Variants in EPB41L3 observed in about 807,000 individuals in gnomAD.
EPB41L3 encodes the protein erythrocyte membrane protein band 4.1 like 3.
EPB41L3 carries 57 observed loss-of-function variants against 127.1 expected under a neutral mutation model. The ratio of observed to expected loss-of-function variants is 0.45; its 90% CI spans 0.36 to 0.56. The LOEUF is 0.56. EPB41L3 is among the 20% of genes least tolerant of loss of function. The probability of loss-of-function intolerance (pLI) is 0.00; values close to 1 mark genes in which losing one functional copy is unlikely to be tolerated. For missense variants in EPB41L3, 1,273 were observed against 1,372.2 expected, an observed-to-expected ratio of 0.93 and a Z score of 1.14; for synonymous variants, 572 against 549.5, an observed-to-expected ratio of 1.04 and a Z score of -0.57.
intron 13 of EPB41L3, among the ~76,000 whole-genome samples, chr18:5,415,007 T>TG (rs1568052764): frequency 6.6e-6 from 1 of 152,032 alleles, no homozygotes. Context: ...ACTGTGAAAA[T>TG]GGGGGGATTT....
At chr18:5,470,589 G>T (rs2147545960) in intron 3 of EPB41L3, among the ~76,000 whole-genome samples, 1 of 152,330 alleles carries the variant, frequency 6.6e-6, no homozygotes, top group African/African-American at 2.4e-5. Context: ...AAGACCAAAT[G>T]AGGCAAAGGC....
At chr18:5,538,193 A>C (rs2093625617) in intron 1 of EPB41L3, among the ~76,000 whole-genome samples, 1 of 152,232 alleles carries the variant, frequency 6.6e-6, no homozygotes, top group Non-Finnish European at 1.5e-5. Context: ...AAATTCTTAC[A>C]TATTCAGAAT....
chr18:5,434,103 C>G lies in EPB41L3; in HGVS notation c.624G>C (p.Gln208His). The G allele has an allele frequency of 6.2e-7, 1 of 1,614,124 alleles. No homozygotes were observed. Among genetic ancestry groups the G allele is most frequent in the Non-Finnish European group, 8.5e-7 (1 of 1,180,024 alleles). ...TTCCGGACACGATGTCATCTCGCAA[C>G]TGCAAGCAGAGGTAGTACCTTCCAG... ...EDITRYYLCL[Q>H]LRDDIVSGRL... The change falls in exon 7 of 23, where the codon CAG (glutamine) becomes CAC (histidine). Residue 208 changes from glutamine (Q) to histidine (H), a missense_variant. This residue lies in a region of EPB41L3 where 326 missense variants were observed against 440.2 expected (regional missense o/e 0.74). Coordinates refer to ENST00000341928, the MANE Select transcript of EPB41L3 (RefSeq NM_012307.5).
At chr18:5,521,554 C>A (rs2092990782) in intron 1 of EPB41L3, 1 of 152,160 alleles carries the variant, frequency 6.6e-6, no homozygotes, top group African/African-American at 2.4e-5. Flanking sequence ...AGAATGAGTA[C>A]AGTATTTGTA....
intron 1 of EPB41L3, among the ~76,000 whole-genome samples, chr18:5,528,790 G>A (rs8092355): frequency 0.01 from 1,563 of 151,918 alleles, 25 homozygotes; most frequent in African/African-American, 0.036. Context: ...TAGAGATGGG[G>A]TTTCACCATG....
intron 2 of EPB41L3, among the ~76,000 whole-genome samples, chr18:5,479,265 G>A (rs377702534): frequency 1.4e-4 from 21 of 152,244 alleles, no homozygotes; most frequent in African/African-American, 4.1e-4. Flanking sequence ...CTGCAAATTC[G>A]ATCCTTGGGC....
At chr18:5,577,259 T>C (rs11876037) in intron 3 of EPB41L3, 257,428 of 383,952 alleles carry the variant, frequency 0.67, 87,062 homozygotes, top group South Asian at 0.72. Context: ...GTATCCAATG[T>C]AGAGTTATAA....
chr18:5,580,537 C>T (rs1278020269), intron 3 of EPB41L3, among the ~76,000 whole-genome samples: 2 of 151,922 alleles, frequency 1.3e-5, no homozygotes, highest in Non-Finnish European at 2.9e-5. Flanking sequence ...AATATGTATA[C>T]ATATATAGAT....
chr18:5,494,453 T>G (rs1221393030), intron 1 of EPB41L3, among the ~76,000 whole-genome samples: 1 of 150,806 alleles, frequency 6.6e-6, no homozygotes, highest in Admixed American at 6.6e-5. Flanking sequence ...AGGTCAGGAG[T>G]TCAAGACCAG....
intron 15 of EPB41L3, 38 bp from the exon 16 acceptor site, chr18:5,407,006 T>C (rs2075504262): frequency 6.3e-7 from 1 of 1,578,642 alleles, no homozygotes; most frequent in Non-Finnish European, 8.7e-7. Context: ...AGTCAATGTT[T>C]TACATTTGTG....
chr18:5,422,486 C>T (rs2077601784), intron 11 of EPB41L3, among the ~76,000 whole-genome samples: 2 of 152,122 alleles, frequency 1.3e-5, no homozygotes, highest in South Asian at 4.1e-4. Flanking sequence ...TATGTTTTTC[C>T]TTATTATTTA....
At chr18:5,560,617 C>T (rs1047857619) in intron 3 of EPB41L3, among the ~76,000 whole-genome samples, 12 of 152,244 alleles carry the variant, frequency 7.9e-5, no homozygotes, top group African/African-American at 2.6e-4. Flanking sequence ...CCTGCTGCAC[C>T]ATTTGCCGCA....
At chr18:5,401,076 A>T in intron 16 of EPB41L3, 1 of 1,430,810 alleles carries the variant, frequency 7.0e-7, no homozygotes, top group South Asian at 1.2e-5. Flanking sequence ...GTTGGAGAAG[A>T]GGAAGTAGAC....
chr18:5,612,010 A>T (rs902075855), intron 3 of EPB41L3, among the ~76,000 whole-genome samples: 1 of 151,848 alleles, frequency 6.6e-6, no homozygotes, highest in Non-Finnish European at 1.5e-5. Flanking sequence ...ATATATACAC[A>T]TGTAATTCTA....
At chr18:5,607,763 CT>C (rs1204178453) in intron 3 of EPB41L3, among the ~76,000 whole-genome samples, 4 of 152,140 alleles carry the variant, frequency 2.6e-5, no homozygotes, top group South Asian at 2.1e-4. Context: ...ATAATCCCCC[CT>C]GTTCCCCAAC....
rs2073738674 is a variant in EPB41L3, at chr18:5,397,403, G to A, written c.2496C>T (p.Ser832=). The A allele has an allele frequency of 6.2e-7, 1 of 1,611,786 alleles. No individual in the cohort carries two copies. ...WVQKMETKTE[S]SGIETEPTVH... ...CGGTGGGTTCCGTCTCTATTCCACT[G>A]GACTCCGTCTTGGTTTCCATTTTCT... Residue 832 remains serine (S), a synonymous_variant, in exon 18 of 23, where the codon TCC becomes TCT. Transcript: ENST00000341928. The surrounding 1 kb of genome is among the most constrained non-coding windows in gnomAD (Gnocchi z 4.1).
intron 1 of EPB41L3, among the ~76,000 whole-genome samples, chr18:5,616,994 A>C (rs2094802639): frequency 6.6e-6 from 1 of 151,762 alleles, no homozygotes; most frequent in Non-Finnish European, 1.5e-5. Context: ...GAAATGCAAA[A>C]CTCCTGTGTT....
Position 5,489,083 on chromosome 18 carries a change from G to T in EPB41L3, c.101C>A (p.Pro34Gln). 1 of 1,593,480 alleles carries T rather than the reference G, an allele frequency of 6.3e-7. No individual in the cohort carries two copies. Among genetic ancestry groups the T allele is most frequent in the East Asian group, 2.3e-5 (1 of 43,946 alleles). Residue 34 changes from proline (P) to glutamine (Q), a missense_variant, in exon 2 of 23, where the codon CCG becomes CAG. Pro to Gln is a moderately conservative substitution (Grantham distance 76, BLOSUM62 -1). This residue lies in a region of EPB41L3 where 182 missense variants were observed against 149.2 expected (regional missense o/e 1.22). Transcript: ENST00000341928. ...CTGCTGCTCCTCCTTGGGCGGCTCC[G>T]GCACGGGCGCCCCCGCGCGCCCCTG... ...GAQGRAGAPV[P>Q]EPPKEEQQQA...
chr18:5,562,767 G>A (rs2094150162), intron 3 of EPB41L3, among the ~76,000 whole-genome samples: 1 of 152,172 alleles, frequency 6.6e-6, no homozygotes, highest in Non-Finnish European at 1.5e-5. Flanking sequence ...CCCTGAGGAT[G>A]TCTCATCCCC....
Sources: gnomAD v4.1 joint callset for allele counts (sites outside exome capture counted in the v4.1 genomes callset) on GRCh38, gnomAD v4.1.1 for gene constraint, gnomAD v4.1.1 regional missense constraint, Gnocchi (gnomAD v3.1) non-coding constraint, MANE v1.5 for transcripts, NCBI Gene and HGNC (gene_info 2026-07-23, HGNC 2026-07-21) for gene names.